The following MYO1C variants were observed in gnomAD, a reference collection of about 807,000 sequenced individuals.
MYO1C encodes unconventional myosin-Ic.
MYO1C carries 104 observed loss-of-function variants against 150.8 expected under a neutral mutation model. That is an observed-to-expected ratio of 0.69 (90% confidence interval 0.59 to 0.81). MYO1C has a LOEUF of 0.81. Ranked by LOEUF, MYO1C falls within the 30% of genes least tolerant of loss-of-function variation. The pLI is 0.00. For synonymous variants in MYO1C, 663 were observed against 579.9 expected (o/e 1.14, Z -2.06); for missense variants, 1,504 against 1,435.0 (o/e 1.05, Z -0.78).
Position 1,472,114 on chromosome 17 carries a change from G to C in MYO1C, c.1903+9C>G, listed in dbSNP as rs1192904933. On this transcript the variant is annotated intron_variant, in intron 18 of 31. Coordinates refer to ENST00000648651, the MANE Select transcript of MYO1C (RefSeq NM_001080779.2). The stretch of plus-strand genomic sequence containing the variant: ...CCCGGCCCCGAAGTCCCCCGTGGGA[G>C]GGGCCTACCGGGCTGTTTGGCATCA... 6.2e-7 allele frequency: 1 copy of C among 1,613,842 alleles called. No individual in the cohort carries two copies. The highest frequency in any genetic ancestry group is 8.5e-7 in the Non-Finnish European group (1 of 1,179,886).
Position 1,471,888 on chromosome 17 carries a change from G to T in MYO1C, c.2021+19C>A. 2 of 1,612,080 alleles carry T rather than the reference G, an allele frequency of 1.2e-6. No individual in the cohort carries two copies. The highest frequency in any genetic ancestry group is 2.2e-5 in the South Asian group (2 of 91,008). The stretch of plus-strand genomic sequence containing the variant: ...CCTCCCGCTCCCCTTCCCTGGCACC[G>T]AGCAGGACCTGCCCCCACCTTTGCA... On this transcript the variant is annotated intron_variant, in intron 19 of 31. Transcript: ENST00000648651.
At chr17:1,480,668 T>C in intron 6 of MYO1C, 38 bp downstream of exon 6, 1 of 1,614,004 alleles carries the variant, frequency 6.2e-7, no homozygotes, top group Non-Finnish European at 8.5e-7. Flanking sequence ...TGGCACCAGA[T>C]CCCTGGGTGG....
At chr17:1,467,425 C>T in intron 30 of MYO1C, 55 bp downstream of exon 30, 1 of 1,601,290 alleles carries the variant, frequency 6.2e-7, no homozygotes, top group Non-Finnish European at 8.5e-7. Flanking sequence ...CCCTGGGTGC[C>T]CACACAGCCC....
chr17:1,489,143 C>T (rs1020964592), intron 1 of MYO1C, among the ~76,000 whole-genome samples: 1 of 152,220 alleles, frequency 6.6e-6, no homozygotes, highest in Non-Finnish European at 1.5e-5. Flanking sequence ...ACGGGTGGCA[C>T]AGAGCAGGGC....
At chr17:1,485,761 G>A (rs548222258) in intron 1 of MYO1C, 9 of 1,068,654 alleles carry the variant, frequency 8.4e-6, no homozygotes, top group South Asian at 8.8e-5. Flanking sequence ...TCCGGGTCCC[G>A]GGCTCGGCGG....
chr17:1,470,117 C>T, intron 24 of MYO1C, 58 bp downstream of exon 24: 1 of 1,530,670 alleles, frequency 6.5e-7, no homozygotes, highest in African/African-American at 1.4e-5. Context: ...CCGAAGAAAT[C>T]AGACCCTTCT....
intron 1 of MYO1C, chr17:1,485,598 G>T (rs2074636483): frequency 2.1e-6 from 2 of 966,256 alleles, no homozygotes; most frequent in Admixed American, 4.9e-5. Flanking sequence ...CGGAATTCCT[G>T]GGCCGCGCCC....
At chr17:1,491,845 C>T (rs1598352503) in intron 1 of MYO1C, among the ~76,000 whole-genome samples, 1 of 151,766 alleles carries the variant, frequency 6.6e-6, no homozygotes, top group Admixed American at 6.6e-5. Flanking sequence ...AGCGAACACG[C>T]GCGCGCCCCT....
chr17:1,487,120 C>T (rs910432322), intron 1 of MYO1C: 3 of 152,366 alleles, frequency 2.0e-5, no homozygotes, highest in Non-Finnish European at 4.4e-5. Flanking sequence ...GTTGGGTGGC[C>T]TGAGATAGAG....
intron 1 of MYO1C, chr17:1,490,859 C>T (rs2359215): frequency 0.14 from 21,635 of 152,178 alleles, 1,907 homozygotes; most frequent in African/African-American, 0.24. Context: ...TTCGCACCGT[C>T]GCCAGCCAGT....
At chr17:1,487,992 G>T (rs1598350164) in intron 1 of MYO1C, among the ~76,000 whole-genome samples, 1 of 152,340 alleles carries the variant, frequency 6.6e-6, no homozygotes, top group East Asian at 1.9e-4. Context: ...CCCAGGGGTG[G>T]GGAACGTCCT....
At position 1,491,692 on chromosome 17, in the gene MYO1C, C is replaced by T. The variant is rs1448141660; in HGVS notation, c.75+721G>A. ...CGGGCGCACTCTCCCCGCCCAGGGC[C>T]CGCCGGGGGCCGGGCCGCAGCCTGT... On this transcript the variant is annotated intron_variant, in intron 1 of 31. Coordinates refer to ENST00000648651, the MANE Select transcript of MYO1C (RefSeq NM_001080779.2). 4.1e-6 allele frequency: 4 copies of T among 972,724 alleles called. No homozygotes were observed. In the African/African-American group the frequency reaches 5.3e-5, roughly 13 times the overall value. 60.3% of individuals were successfully genotyped at this position (972,724 alleles called of 1,614,324 possible).
Position 1,479,435 on chromosome 17 carries a change from TC to T in MYO1C, c.1087del (p.Glu363ArgfsTer4), listed in dbSNP as rs1345059543. 7.0e-7 allele frequency: 1 copy of T among 1,424,924 alleles called. No individual in the cohort carries two copies. The highest frequency in any genetic ancestry group is 1.2e-5 in the South Asian group (1 of 81,712). 88.3% of individuals were successfully genotyped at this position (1,424,924 alleles called of 1,614,324 possible). A position where few individuals can be genotyped will look rare whatever the true frequency, so the allele number is the denominator to read the frequency against. On this transcript the variant is annotated frameshift_variant, in exon 9 of 32. Transcript: ENST00000648651. LOFTEE classifies it high-confidence loss of function. This position sits in a 1 kb window ranked among gnomAD's most constrained non-coding sequence, Gnocchi z 4.2. ...AGGGCAAGGGCCCGGCCTCACCTCC[TC>T]CCCCTTGGCGATGATCTTCCTGTGT... The part of the protein sequence containing the change: ...LTHRKIIAKG[E>X]ELLSPLNLEQ...
chr17:1,480,361 T>C (rs898744311), intron 7 of MYO1C, among the ~76,000 whole-genome samples, 166 bp downstream of exon 7: 2 of 145,342 alleles, frequency 1.4e-5, no homozygotes, highest in African/African-American at 5.2e-5. Context: ...GGCAGGAGAA[T>C]TGCTTGAACC....
At position 1,483,710 on chromosome 17, in the gene MYO1C, CG is replaced by C; in HGVS notation, c.246del (p.Val83SerfsTer54). On this transcript the variant is annotated frameshift_variant, in exon 3 of 32. Transcript: ENST00000648651. LOFTEE classifies it high-confidence loss of function. ...CGGTAGGGATTGACAGAGACCAGGA[CG>C]GGGCCAATGTAGGTCTGGGATCGGG... is the stretch of plus-strand genomic sequence containing the variant. Reference protein sequence around the residue: ...RENLIYTYIGPVLVSVNPYRD... With the variant: ...RENLIYTYIGXVLVSVNPYRD... 1.9e-6 allele frequency: 3 copies of C among 1,611,844 alleles called. No individual in the cohort carries two copies. Among genetic ancestry groups the C allele is most frequent in the Non-Finnish European group, 2.5e-6 (3 of 1,179,170 alleles).
rs144560665 is a variant in MYO1C at position 1,470,503 on chromosome 17, C to T, written c.2298G>A (p.Ser766=). 533 of 1,552,310 alleles carry T rather than the reference C, an allele frequency of 3.4e-4. No homozygotes were observed. The highest frequency in any genetic ancestry group is 4.3e-4 in the Non-Finnish European group (489 of 1,147,682). ...RVKRSAICIQ[S]WWRGTLGRRK... ...TCCGGCCCAGTGTTCCACGCCACCA[C>T]GACTGGATGCAGATGGCTGTCGTGG... Residue 766 remains serine (S), a synonymous_variant, in exon 23 of 32, where the codon TCG becomes TCA. Coordinates refer to ENST00000648651, the MANE Select transcript of MYO1C (RefSeq NM_001080779.2).
In MYO1C at chr17:1,479,720, C is replaced by T. The variant is rs765235180; in HGVS notation, c.907-15G>A. The T allele has an allele frequency of 3.1e-6, 5 of 1,594,096 alleles. No homozygotes were observed. The Admixed American group carries it at 5.2e-5, about 16-fold the overall frequency. ...CTCAGCAGGTCCTGGGGGAGCAGGCCGGGGGCAGGAGGGGGTGAGAGGGGC... is the reference window on the plus strand; with the variant it reads ...CTCAGCAGGTCCTGGGGGAGCAGGCTGGGGGCAGGAGGGGGTGAGAGGGGC... On this transcript the variant is annotated splice_polypyrimidine_tract_variant and intron_variant, in intron 7 of 31. Transcript: ENST00000648651. The surrounding 1 kb of genome is among the most constrained non-coding windows in gnomAD (Gnocchi z 4.2).
At chr17:1,483,132 T>A in intron 3 of MYO1C, 73 bp from the exon 4 acceptor site, 6 of 1,438,214 alleles carry the variant, frequency 4.2e-6, no homozygotes, top group Non-Finnish European at 5.6e-6. Context: ...CGCTCCCACA[T>A]CTGGGTGGAG....
At position 1,469,578 on chromosome 17, in the gene MYO1C, T is replaced by C. The variant is rs772060007; in HGVS notation, c.2563A>G (p.Met855Val). The C allele has an allele frequency of 2.5e-6, 4 of 1,613,416 alleles. No individual in the cohort carries two copies. Among genetic ancestry groups the C allele is most frequent in the Non-Finnish European group, 3.4e-6 (4 of 1,179,786 alleles). The part of the protein sequence containing the change: ...ELLRELCIKN[M>V]VWKYCRSISP... ...ATACTCCGGCAGTATTTCCACACCA[T>C]GTTCTTTATGCACAACTCCCGCAGA... Residue 855 changes from methionine (M) to valine (V), a missense_variant, in exon 25 of 32, where the codon ATG becomes GTG. Transcript: ENST00000648651.
Sources: allele counts gnomAD v4.1 joint callset (sites outside exome capture counted in the v4.1 genomes callset), GRCh38; gene constraint gnomAD v4.1.1; non-coding constraint Gnocchi (gnomAD v3.1); transcripts MANE v1.5; gene names NCBI Gene and HGNC (gene_info 2026-07-23, HGNC 2026-07-21).